PMS1: variants seen among roughly 807,000 people sequenced by gnomAD.
PMS1 encodes the protein PMS1 homolog 1, mismatch repair system component, also known as PMS1 protein homolog 1.
Under a neutral mutation model 93.1 loss-of-function variants are expected in PMS1, and 79 were observed. The ratio of observed to expected loss-of-function variants is 0.85; its 90% CI spans 0.71 to 1.02. The LOEUF (loss-of-function observed/expected upper bound fraction) is 1.02. Among genes scored for constraint, PMS1 ranks in the 50% least tolerant of loss-of-function variants. The pLI, the probability that PMS1 is intolerant of heterozygous loss-of-function variation, is 0.00. For missense variants in PMS1, 1,064 were observed against 1,085.3 expected, an observed-to-expected ratio of 0.98 and a Z score of 0.28; for synonymous variants, 335 against 363.4, an observed-to-expected ratio of 0.92 and a Z score of 0.89.
intron 5 of PMS1, among the ~76,000 whole-genome samples, chr2:189,838,251 A>G (rs868650956): frequency 4.6e-5 from 7 of 152,326 alleles, no homozygotes; most frequent in Middle Eastern, 3.4e-3. Flanking sequence ...TGTAATTTTA[A>G]CAGGTATGGT....
intron 3 of PMS1, among the ~76,000 whole-genome samples, chr2:189,803,688 C>CA (rs1264473184): frequency 6.6e-6 from 1 of 152,190 alleles, no homozygotes; most frequent in Non-Finnish European, 1.5e-5. Context: ...TATGATGAAA[C>CA]AAACTCTCGA....
At chr2:189,840,595 C>G (rs1354178965) in intron 5 of PMS1, among the ~76,000 whole-genome samples, 1 of 152,014 alleles carries the variant, frequency 6.6e-6, no homozygotes, top group African/African-American at 2.4e-5. Flanking sequence ...GGAGAAATAC[C>G]TGAATTATTT....
rs1042255540 is a variant in PMS1, at chr2:189,844,084, T to A, written c.699+4T>A. Reference sequence around the variant, plus strand: ...GTACCACTCTGAAGAATCTCAGGTATACTGCAAAAACATTCTCAGATAATT... The same window carrying A: ...GTACCACTCTGAAGAATCTCAGGTAAACTGCAAAAACATTCTCAGATAATT... On this transcript the variant is annotated splice_donor_region_variant and intron_variant, in intron 6 of 12. Transcript: ENST00000441310. The A allele has an allele frequency of 6.2e-7, 1 of 1,612,830 alleles. No homozygotes were observed. Among genetic ancestry groups the A allele is most frequent in the Non-Finnish European group, 8.5e-7 (1 of 1,179,560 alleles).
At chr2:189,803,886 G>GT (rs956212305) in intron 3 of PMS1, among the ~76,000 whole-genome samples, 18 of 151,350 alleles carry the variant, frequency 1.2e-4, no homozygotes, top group Admixed American at 3.3e-4. Context: ...AAAATAGAGG[G>GT]TTTTTTTTTA....
At chr2:189,837,166 T>G (rs1020365610) in intron 5 of PMS1, among the ~76,000 whole-genome samples, 4 of 149,304 alleles carry the variant, frequency 2.7e-5, no homozygotes, top group East Asian at 1.9e-4. Context: ...AGTTTGGTGT[T>G]TTTTTTTTTT....
At chr2:189,811,464 G>T (rs114746364) in intron 4 of PMS1, among the ~76,000 whole-genome samples, 1 of 151,790 alleles carries the variant, frequency 6.6e-6, no homozygotes. Flanking sequence ...GTGTTTTGGC[G>T]CATGCCTGTA....
chr2:189,839,663 G>A (rs2053661518), intron 5 of PMS1, among the ~76,000 whole-genome samples: 1 of 152,126 alleles, frequency 6.6e-6, no homozygotes, highest in East Asian at 1.9e-4. Flanking sequence ...CTTCTATGAT[G>A]CTCCCACTGT....
At chr2:189,842,552 A>C (rs536681528) in intron 5 of PMS1, among the ~76,000 whole-genome samples, 1 of 152,264 alleles carries the variant, frequency 6.6e-6, no homozygotes, top group South Asian at 2.1e-4. Flanking sequence ...ATTGTCTTAA[A>C]ATCTACCCCA....
At chr2:189,855,350 T>C (rs2055203159) in intron 9 of PMS1, among the ~76,000 whole-genome samples, 1 of 151,760 alleles carries the variant, frequency 6.6e-6, no homozygotes, top group African/African-American at 2.4e-5. Context: ...TTTTTTTGTT[T>C]AAGCCTTAAC....
chr2:189,834,286 GTCA>G (rs1410043250), intron 5 of PMS1, among the ~76,000 whole-genome samples: 1 of 152,212 alleles, frequency 6.6e-6, no homozygotes. Context: ...ATGTCAGGGA[GTCA>G]TCAGAGGTCA....
intron 5 of PMS1, among the ~76,000 whole-genome samples, chr2:189,830,552 A>AAGG (rs2052837644): frequency 6.6e-6 from 1 of 152,054 alleles, no homozygotes; most frequent in Non-Finnish European, 1.5e-5. Flanking sequence ...TATGCTATAT[A>AAGG]TTTTATTTGT....
intron 1 of PMS1, among the ~76,000 whole-genome samples, chr2:189,788,840 T>G (rs551922894): frequency 1.3e-5 from 2 of 152,204 alleles, no homozygotes; most frequent in Non-Finnish European, 2.9e-5. Context: ...AAGCTACATA[T>G]GACTGATGGC....
intron 11 of PMS1, among the ~76,000 whole-genome samples, chr2:189,869,816 TAAAAA>T (rs398060888): frequency 7.4e-6 from 1 of 134,904 alleles, no homozygotes; most frequent in African/African-American, 2.7e-5. Flanking sequence ...GACTCCATCT[TAAAAA>T]AAAAAAAAAA....
intron 7 of PMS1, 80 bp downstream of exon 7, chr2:189,852,857 T>A (rs769433768): frequency 1.1e-6 from 1 of 888,048 alleles, no homozygotes; most frequent in Admixed American, 2.0e-5. Context: ...AAGAATTTGC[T>A]CTAAAATAAA....
chr2:189,802,132 G>T (rs557572613), intron 3 of PMS1, among the ~76,000 whole-genome samples: 1 of 152,034 alleles, frequency 6.6e-6, no homozygotes, highest in Admixed American at 6.6e-5. Flanking sequence ...AATGGTTACA[G>T]TGTACTGAAT....
chr2:189,843,782 C>G lies in PMS1; in HGVS notation c.583-182C>G, dbSNP rs569681127. The stretch of plus-strand genomic sequence containing the variant: ...AATAGATGGTACACTGCAACATATA[C>G]AGCTTTTAAAATTCAGAACCAGAGT... On this transcript the variant is annotated intron_variant, in intron 5 of 12. Transcript: ENST00000441310. Among the ~76,000 whole-genome samples, 11 of 152,330 alleles carry G rather than the reference C, an allele frequency of 7.2e-5. No homozygotes were observed. The South Asian group carries it at 2.3e-3, about 32-fold the overall frequency.
At chr2:189,867,558 C>T (rs991970793) in intron 10 of PMS1, among the ~76,000 whole-genome samples, 1 of 152,110 alleles carries the variant, frequency 6.6e-6, no homozygotes. Context: ...TTTAAAATTT[C>T]ACATTCAATT....
In PMS1 at chr2:189,874,408, G is replaced by A. The variant is rs528128010; in HGVS notation, c.2634+752G>A. On this transcript the variant is annotated intron_variant, in intron 12 of 12. Coordinates refer to ENST00000441310, the MANE Select transcript of PMS1 (RefSeq NM_000534.5). Reference sequence around the variant, plus strand: ...GAAAGATGGGAATCTTTGAATAAGCGGAAATTTTCATTTTTGTGACAGTAT... The same window carrying A: ...GAAAGATGGGAATCTTTGAATAAGCAGAAATTTTCATTTTTGTGACAGTAT... 9.9e-5 allele frequency among the ~76,000 whole-genome samples: 15 copies of A among 152,174 alleles called. No individual in the cohort carries two copies. In the East Asian group the frequency reaches 2.1e-3, roughly 22 times the overall value.
At chr2:189,875,420 G>A (rs1328430708) in intron 12 of PMS1, among the ~76,000 whole-genome samples, 3 of 151,880 alleles carry the variant, frequency 2.0e-5, no homozygotes, top group East Asian at 3.9e-4. Context: ...GCATCCCATG[G>A]TACTGTATTT....
Sources: gnomAD v4.1 joint callset for allele counts (sites outside exome capture counted in the v4.1 genomes callset) on GRCh38, gnomAD v4.1.1 for gene constraint, MANE v1.5 for transcripts, NCBI Gene and HGNC (gene_info 2026-07-23, HGNC 2026-07-21) for gene names.